NFATC2: variants seen among roughly 807,000 people sequenced by gnomAD.
NFATC2 encodes the protein nuclear factor of activated T-cells, cytoplasmic 2.
In NFATC2, 22 loss-of-function variants were observed where a neutral mutation model predicts 87.3. The observed-to-expected ratio is 0.25, with a 90% confidence interval of 0.18 to 0.36. The LOEUF is 0.36. NFATC2 is among the 10% of genes least tolerant of loss of function. The pLI, the probability that NFATC2 is intolerant of heterozygous loss-of-function variation, is 1.00. For missense variants in NFATC2, 1,149 were observed against 1,259.1 expected (o/e 0.91, Z 1.32); for synonymous variants, 565 against 542.2 (o/e 1.04, Z -0.58).
At chr20:51,421,610 T>A (rs1473393411) in intron 9 of NFATC2, among the ~76,000 whole-genome samples, 1 of 152,254 alleles carries the variant, frequency 6.6e-6, no homozygotes, top group Non-Finnish European at 1.5e-5. Context: ...AAGTAGCCTC[T>A]GCTCAGGGCC....
chr20:51,518,024 A>G (rs1250709051), intron 2 of NFATC2, among the ~76,000 whole-genome samples: 1 of 152,200 alleles, frequency 6.6e-6, no homozygotes, highest in Non-Finnish European at 1.5e-5. Flanking sequence ...ATTGTATGTG[A>G]ACAAAATGCT....
At chr20:51,421,863 C>T (rs1000493360) in intron 9 of NFATC2, among the ~76,000 whole-genome samples, 14 of 148,416 alleles carry the variant, frequency 9.4e-5, no homozygotes, top group African/African-American at 3.4e-4. Flanking sequence ...TGAAGCAGAC[C>T]ACAACTCAAT....
chr20:51,541,664 G>C (rs558016056), intron 1 of NFATC2, among the ~76,000 whole-genome samples: 3 of 152,290 alleles, frequency 2.0e-5, no homozygotes, highest in East Asian at 1.9e-4. Flanking sequence ...AGGACTAAGC[G>C]TAGAAGATCA....
At chr20:51,418,665 T>TC (rs1255121012) in intron 9 of NFATC2, among the ~76,000 whole-genome samples, 2 of 146,522 alleles carry the variant, frequency 1.4e-5, no homozygotes, top group East Asian at 3.9e-4. Context: ...TTTGGTTTTT[T>TC]TTTTTTTTTT....
In NFATC2 at chr20:51,428,036, G is replaced by A. The variant is rs557864772; in HGVS notation, c.2722+4031C>T. Among the ~76,000 whole-genome samples, 13 of 152,298 alleles carry A rather than the reference G, an allele frequency of 8.5e-5. No homozygotes were observed. In the South Asian group the frequency reaches 2.7e-3, roughly 32 times the overall value. On this transcript the variant is annotated intron_variant, in intron 9 of 10. Coordinates refer to ENST00000371564, the MANE Select transcript of NFATC2 (RefSeq NM_012340.5). Reference sequence around the variant, plus strand: ...CAGAGTAGACAGCCAGAAAATACTAGTGGGTGAGAGGGAAGGAGGGTCAAG... The same window carrying A: ...CAGAGTAGACAGCCAGAAAATACTAATGGGTGAGAGGGAAGGAGGGTCAAG...
At chr20:51,527,907 C>T (rs1217199389) in intron 1 of NFATC2, among the ~76,000 whole-genome samples, 1 of 151,856 alleles carries the variant, frequency 6.6e-6, no homozygotes, top group Non-Finnish European at 1.5e-5. Flanking sequence ...TTAAGACCAG[C>T]CTGGGCAACG....
At chr20:51,473,916 C>G (rs771954370) in intron 5 of NFATC2, 64 bp downstream of exon 5, 1 of 1,561,564 alleles carries the variant, frequency 6.4e-7, no homozygotes, top group East Asian at 2.3e-5. Context: ...ATACACTGCT[C>G]CCGGGGGAAG....
intron 6 of NFATC2, among the ~76,000 whole-genome samples, chr20:51,449,821 T>C (rs1248340390): frequency 6.6e-6 from 1 of 152,204 alleles, no homozygotes; most frequent in Non-Finnish European, 1.5e-5. Flanking sequence ...TTTGGGCTCT[T>C]ATGAGGGATC....
chr20:51,495,686 C>T (rs111953946), intron 3 of NFATC2, among the ~76,000 whole-genome samples: 24 of 152,308 alleles, frequency 1.6e-4, no homozygotes, highest in African/African-American at 5.5e-4. Context: ...CTTACAAATT[C>T]GTGGAGTTCA....
At chr20:51,514,269 T>C (rs1400247596) in intron 3 of NFATC2, among the ~76,000 whole-genome samples, 1 of 152,188 alleles carries the variant, frequency 6.6e-6, no homozygotes, top group Non-Finnish European at 1.5e-5. Flanking sequence ...GAATAATCAG[T>C]GAATGAAGAT....
chr20:51,550,931 AGT>A (rs2076927871), intron 1 of NFATC2, among the ~76,000 whole-genome samples: 1 of 152,370 alleles, frequency 6.6e-6, no homozygotes, highest in East Asian at 1.9e-4. Flanking sequence ...ATAACACATA[AGT>A]CACACATTTT....
chr20:51,387,549 A>AG lies in NFATC2; in HGVS notation c.*3946dup, dbSNP rs1247451324. 6.6e-6 allele frequency: 1 copy of AG among 152,244 alleles called. No individual in the cohort carries two copies. Among genetic ancestry groups the AG allele is most frequent in the African/African-American group, 2.4e-5 (1 of 41,454 alleles). 9.4% of individuals were successfully genotyped at this position (152,244 alleles called of 1,614,324 possible). On this transcript the variant is annotated 3_prime_UTR_variant, in exon 11 of 11. Coordinates refer to ENST00000371564, the MANE Select transcript of NFATC2 (RefSeq NM_012340.5). ...TAAGTCAAGGCACTCACAAAAGCTG[A>AG]GGGAAATGGATGTTTATGATCACAA...
At chr20:51,430,372 C>T (rs979042594) in intron 9 of NFATC2, among the ~76,000 whole-genome samples, 1 of 152,182 alleles carries the variant, frequency 6.6e-6, no homozygotes, top group African/African-American at 2.4e-5. Flanking sequence ...CACGATTGCC[C>T]CCTTGAAAAT....
rs561954410 is a variant in NFATC2 at position 51,540,290 on chromosome 20, G to A, written c.130+2080C>T. Among the ~76,000 whole-genome samples, 12 of 152,318 alleles carry A rather than the reference G, an allele frequency of 7.9e-5. No individual in the cohort carries two copies. The East Asian group carries it at 2.1e-3, about 27-fold the overall frequency. ...AGCCTCCCAAAGTGTTGGGATTACA[G>A]GCGTGAGCCACCACGCCTGGCTGGA... On this transcript the variant is annotated intron_variant, in intron 1 of 10. Coordinates refer to ENST00000371564, the MANE Select transcript of NFATC2 (RefSeq NM_012340.5).
intron 6 of NFATC2, among the ~76,000 whole-genome samples, chr20:51,436,393 A>ATTTTT (rs11481937): frequency 7.0e-6 from 1 of 142,474 alleles, no homozygotes; most frequent in Admixed American, 7.0e-5. Context: ...CTATCTTTCT[A>ATTTTT]TTTTTTTTTT....
At chr20:51,400,940 T>C (rs1987968279) in intron 9 of NFATC2, among the ~76,000 whole-genome samples, 1 of 152,208 alleles carries the variant, frequency 6.6e-6, no homozygotes, top group African/African-American at 2.4e-5. Context: ...CTGGCTGCCC[T>C]GGGGCCTCTG....
intron 3 of NFATC2, among the ~76,000 whole-genome samples, chr20:51,482,448 C>T (rs1989343735): frequency 6.6e-6 from 1 of 152,090 alleles, no homozygotes; most frequent in Admixed American, 6.6e-5. Context: ...AAGAATACCC[C>T]TTGAAAATAA....
At chr20:51,418,855 G>C (rs1980441181) in intron 9 of NFATC2, among the ~76,000 whole-genome samples, 1 of 151,832 alleles carries the variant, frequency 6.6e-6, no homozygotes, top group Admixed American at 6.6e-5. Context: ...TACAAATGGG[G>C]TTTCACCATG....
chr20:51,457,560 T>TTTCCTACC (rs1382363400), intron 5 of NFATC2, among the ~76,000 whole-genome samples: 3 of 151,894 alleles, frequency 2.0e-5, no homozygotes, highest in Non-Finnish European at 4.4e-5. Context: ...CAAGTCTGCA[T>TTTCCTACC]TTCCTACCTC....
Sources: gnomAD v4.1 joint callset for allele counts (sites outside exome capture counted in the v4.1 genomes callset) on GRCh38, gnomAD v4.1.1 for gene constraint, MANE v1.5 for transcripts, NCBI Gene and HGNC (gene_info 2026-07-23, HGNC 2026-07-21) for gene names.